PCDHGA12: variants seen among roughly 807,000 people sequenced by gnomAD.
PCDHGA12 encodes the protein protocadherin gamma subfamily A, 12.
In PCDHGA12, 43 loss-of-function variants were observed where a neutral mutation model predicts 61.1. The ratio of observed to expected loss-of-function variants is 0.70; its 90% CI spans 0.55 to 0.91. PCDHGA12 has a LOEUF of 0.91. Ranked by LOEUF, PCDHGA12 falls within the 40% of genes least tolerant of loss-of-function variation. The pLI is 0.00. For missense variants in PCDHGA12, 1,236 were observed against 1,227.7 expected, an observed-to-expected ratio of 1.01 and a Z score of -0.10; for synonymous variants, 520 against 542.9, an observed-to-expected ratio of 0.96 and a Z score of 0.59.
Position 141,485,096 on chromosome 5 carries a change from CCAG to C in PCDHGA12, c.2425-9709_2425-9707del. The C allele has an allele frequency of 8.9e-7, 1 of 1,125,684 alleles. No homozygotes were observed. The highest frequency in any genetic ancestry group is 1.3e-6 in the Non-Finnish European group (1 of 759,466). 69.7% of individuals were successfully genotyped at this position (1,125,684 alleles called of 1,614,324 possible). A position where few individuals can be genotyped will look rare whatever the true frequency, so the allele number is the denominator to read the frequency against. ...CGCGGGGAAAGGGAGATAGGTGTCTCCAGCTGCTGTGGCTGTTTGGGGCGGGTC... is the reference window on the plus strand; with the variant it reads ...CGCGGGGAAAGGGAGATAGGTGTCTCCTGCTGTGGCTGTTTGGGGCGGGTC... On this transcript the variant is annotated intron_variant, in intron 1 of 3. Transcript: ENST00000252085. The surrounding 1 kb of genome is among the most constrained non-coding windows in gnomAD (Gnocchi z 5.7).
At position 141,511,542 on chromosome 5, in the gene PCDHGA12, A is replaced by C; in HGVS notation, c.*369A>C. The stretch of plus-strand genomic sequence containing the variant: ...CCCATGCCTCCCTCCTCCCCACCCC[A>C]CTCCAACAGTTCCTCTTTCCCGAGT... On this transcript the variant is annotated 3_prime_UTR_variant, in exon 4 of 4. Coordinates refer to ENST00000252085, the MANE Select transcript of PCDHGA12 (RefSeq NM_003735.3). 6.6e-6 allele frequency: 2 copies of C among 302,184 alleles called. No homozygotes were observed. The highest frequency in any genetic ancestry group is 3.7e-5 in the South Asian group (1 of 26,678). The allele number at this position is 302,184 out of a possible 1,614,324, so 18.7% of individuals were successfully genotyped here. A position where few individuals can be genotyped will look rare whatever the true frequency, so the allele number is the denominator to read the frequency against.
chr5:141,482,049 C>G (rs1456071625), intron 1 of PCDHGA12, among the ~76,000 whole-genome samples: 2 of 149,284 alleles, frequency 1.3e-5, no homozygotes, highest in Non-Finnish European at 3.0e-5. Context: ...CATGCTGTTG[C>G]ATTCCAGCCT....
At chr5:141,492,506 C>T (rs2154587372) in intron 1 of PCDHGA12, among the ~76,000 whole-genome samples, 2 of 152,318 alleles carry the variant, frequency 1.3e-5, no homozygotes, top group South Asian at 4.1e-4. Context: ...ACTCCGGAGC[C>T]TCCTCTCACC....
rs2099613082 is a variant in PCDHGA12, at chr5:141,485,421, C to T, written c.2425-9386C>T. ...TTCCGTGTGGATTTGGACAGCGGAG[C>T]CCTGCTCATCAAGAACCCAATCGAC... On this transcript the variant is annotated intron_variant, in intron 1 of 3. Coordinates refer to ENST00000252085, the MANE Select transcript of PCDHGA12 (RefSeq NM_003735.3). The surrounding 1 kb of genome is among the most constrained non-coding windows in gnomAD (Gnocchi z 5.7). The T allele has an allele frequency of 6.2e-7, 1 of 1,614,112 alleles. No individual in the cohort carries two copies. Among genetic ancestry groups the T allele is most frequent in the Non-Finnish European group, 8.5e-7 (1 of 1,180,010 alleles).
chr5:141,490,229 T>C lies in PCDHGA12; in HGVS notation c.2425-4578T>C. The C allele has an allele frequency of 6.2e-7, 1 of 1,614,198 alleles. No individual in the cohort carries two copies. Among genetic ancestry groups the C allele is most frequent in the Non-Finnish European group, 8.5e-7 (1 of 1,180,034 alleles). On this transcript the variant is annotated intron_variant, in intron 1 of 3. Coordinates refer to ENST00000252085, the MANE Select transcript of PCDHGA12 (RefSeq NM_003735.3). The surrounding 1 kb of genome is among the most constrained non-coding windows in gnomAD (Gnocchi z 5.4). ...GCCCGTGACCAGGGACAGCCTGCCA[T>C]GGAGGGCCACTGTGTGATTCAAGTG... is the stretch of plus-strand genomic sequence containing the variant.
chr5:141,505,621 A>G (rs1170133157), intron 3 of PCDHGA12, 140 bp downstream of exon 3: 5 of 1,495,758 alleles, frequency 3.3e-6, no homozygotes, highest in South Asian at 2.6e-5. Context: ...AGGACCCACA[A>G]TTCCAAACAT....
rs770468191 is a variant in PCDHGA12, at chr5:141,478,296, A to G, written c.2425-16511A>G. On this transcript the variant is annotated intron_variant, in intron 1 of 3. Coordinates refer to ENST00000252085, the MANE Select transcript of PCDHGA12 (RefSeq NM_003735.3). ...AAGTGGAAGCAGTCTAGAGACCTAT[A>G]CCGAGCCCCGGTGAGCTCACTGTAC... is the stretch of plus-strand genomic sequence containing the variant. The G allele has an allele frequency of 9.3e-6, 15 of 1,613,962 alleles. No individual in the cohort carries two copies. Among genetic ancestry groups the G allele is most frequent in the African/African-American group, 6.7e-5 (5 of 74,930 alleles).
rs536313993 is a variant in PCDHGA12, at chr5:141,436,142, T to G, written c.2424+2959T>G. Among the ~76,000 whole-genome samples, 46 of 152,334 alleles carry G rather than the reference T, an allele frequency of 3.0e-4. No homozygotes were observed. The South Asian group carries it at 3.1e-3, about 10-fold the overall frequency. ...CTCTCCTCCATCATCTTGTATGAAC[T>G]ACCAAAATGTTTATCATATGGACAG... On this transcript the variant is annotated intron_variant, in intron 1 of 3. Coordinates refer to ENST00000252085, the MANE Select transcript of PCDHGA12 (RefSeq NM_003735.3).
At chr5:141,456,899 G>T (rs1592472053) in intron 1 of PCDHGA12, among the ~76,000 whole-genome samples, 1 of 152,212 alleles carries the variant, frequency 6.6e-6, no homozygotes, top group East Asian at 1.9e-4. Context: ...GGAGGCAGAG[G>T]TTGCAGTGAG....
In PCDHGA12 at chr5:141,490,275, C is replaced by A; in HGVS notation, c.2425-4532C>A. 6.2e-7 allele frequency: 1 copy of A among 1,614,238 alleles called. No individual in the cohort carries two copies. The highest frequency in any genetic ancestry group is 8.5e-7 in the Non-Finnish European group (1 of 1,180,044). On this transcript the variant is annotated intron_variant, in intron 1 of 3. Transcript: ENST00000252085. The surrounding 1 kb of genome is among the most constrained non-coding windows in gnomAD (Gnocchi z 5.4). Reference sequence around the variant, plus strand: ...AAGTGGATGTGGGGGATGTCAATGACAATGCCCCAGAGGTGCTATTGGCCT... The same window carrying A: ...AAGTGGATGTGGGGGATGTCAATGAAAATGCCCCAGAGGTGCTATTGGCCT...
At chr5:141,475,322 G>A (rs1352768659) in intron 1 of PCDHGA12, among the ~76,000 whole-genome samples, 1 of 152,204 alleles carries the variant, frequency 6.6e-6, no homozygotes, top group African/African-American at 2.4e-5. Flanking sequence ...CTTAAGAAAT[G>A]AGAGCTAACA....
intron 1 of PCDHGA12, among the ~76,000 whole-genome samples, chr5:141,452,522 A>G (rs924248463): frequency 6.6e-6 from 1 of 152,310 alleles, no homozygotes; most frequent in African/African-American, 2.4e-5. Context: ...CTCCCTCAAA[A>G]TCGTGAGTTC....
At chr5:141,475,884 G>C (rs998700290) in intron 1 of PCDHGA12, 1 of 557,810 alleles carries the variant, frequency 1.8e-6, no homozygotes, top group Non-Finnish European at 3.2e-6. Flanking sequence ...TATTGGCTGG[G>C]ACTCTGTGTG....
At chr5:141,478,665 A>G (rs749063178) in intron 1 of PCDHGA12, 88 of 1,551,690 alleles carry the variant, frequency 5.7e-5, no homozygotes, top group Non-Finnish European at 3.7e-5. Flanking sequence ...ATGCATTCAC[A>G]CTTTCAACTG....
chr5:141,473,254 T>C (rs1203765731), intron 1 of PCDHGA12, among the ~76,000 whole-genome samples: 5 of 152,152 alleles, frequency 3.3e-5, no homozygotes, highest in African/African-American at 4.8e-5. Context: ...ACATATATAG[T>C]CCTTAGTGTA....
At chr5:141,465,494 G>C (rs2099104306) in intron 1 of PCDHGA12, among the ~76,000 whole-genome samples, 1 of 152,204 alleles carries the variant, frequency 6.6e-6, no homozygotes, top group African/African-American at 2.4e-5. Context: ...ATGAGCGGGA[G>C]CATTGTCGTG....
intron 1 of PCDHGA12, among the ~76,000 whole-genome samples, chr5:141,463,809 T>G (rs964935762): frequency 1.3e-5 from 2 of 152,216 alleles, no homozygotes; most frequent in African/African-American, 4.8e-5. Context: ...TAAAAGCTTT[T>G]ATCACACATT....
intron 1 of PCDHGA12, among the ~76,000 whole-genome samples, chr5:141,460,983 GTATATATATATA>G (rs59296681): frequency 7.3e-6 from 1 of 137,780 alleles, no homozygotes. Flanking sequence ...GTGTGTGTGT[GTATATATATATA>G]TGTGTATATA....
intron 1 of PCDHGA12, chr5:141,478,046 C>A (rs762982394): frequency 3.7e-6 from 6 of 1,614,172 alleles, no homozygotes; most frequent in Non-Finnish European, 5.1e-6. Flanking sequence ...CAGGCAGACT[C>A]TCACGGTCTT....
Sources: gnomAD v4.1 joint callset for allele counts (sites outside exome capture counted in the v4.1 genomes callset) on GRCh38, gnomAD v4.1.1 for gene constraint, Gnocchi (gnomAD v3.1) non-coding constraint, MANE v1.5 for transcripts, NCBI Gene and HGNC (gene_info 2026-07-23, HGNC 2026-07-21) for gene names.